Variants in COQ9 observed in about 807,000 individuals in gnomAD.
COQ9 encodes coenzyme Q9.
In COQ9, 35 loss-of-function variants were observed where a neutral mutation model predicts 42.4. The ratio of observed to expected loss-of-function variants is 0.83; its 90% CI spans 0.63 to 1.10. COQ9 has a LOEUF of 1.10. Ranked by LOEUF, COQ9 falls within the 50% of genes least tolerant of loss-of-function variation. The pLI is 0.00. For missense variants in COQ9, 406 were observed against 414.6 expected (o/e 0.98, Z 0.18); for synonymous variants, 155 against 155.1 (o/e 1.00, Z 0.00).
intron 7 of COQ9, 91 bp downstream of exon 7, chr16:57,459,811 G>T: frequency 6.7e-7 from 1 of 1,488,616 alleles, no homozygotes; most frequent in Non-Finnish European, 9.4e-7. Context: ...TTTGGCCTCA[G>T]CTGACAGTCC....
chr16:57,456,442 A>G, intron 3 of COQ9, 62 bp from the exon 4 acceptor site: 1 of 1,581,572 alleles, frequency 6.3e-7, no homozygotes, highest in Non-Finnish European at 8.7e-7. Context: ...AGTGATGAAC[A>G]GGCAACAAAT....
intron 3 of COQ9, chr16:57,453,150 C>G: frequency 1.6e-6 from 1 of 610,950 alleles, no homozygotes; most frequent in South Asian, 1.9e-5. Context: ...GAGTTGTGTT[C>G]TAAAGGCAAT....
chr16:57,458,812 A>G (rs1463406530), intron 6 of COQ9, among the ~76,000 whole-genome samples: 1 of 152,242 alleles, frequency 6.6e-6, no homozygotes. Flanking sequence ...CCAGGAAAGA[A>G]TCCGACTTGT....
In COQ9 at chr16:57,460,117, C is replaced by T. The variant is rs115677652; in HGVS notation, c.921+13C>T. On this transcript the variant is annotated intron_variant, in intron 8 of 8. Transcript: ENST00000262507. ...TGCAGCAGTGACGGTGAGTACTGCC[C>T]AGCACATCCCTGCCCCTCCTCTCTC... is the stretch of plus-strand genomic sequence containing the variant. The T allele has an allele frequency of 2.2e-3, 3,595 of 1,613,620 alleles. 77 individuals are homozygous for T. The African/African-American group carries it at 0.043, about 19-fold the overall frequency.
intron 3 of COQ9, chr16:57,453,587 A>T (rs1317984650): frequency 6.4e-6 from 1 of 157,034 alleles, no homozygotes; most frequent in East Asian, 1.9e-4. Flanking sequence ...GGCTTGCTGC[A>T]GGGCATCTAC....
At chr16:57,457,659 T>C (rs961945721) in intron 5 of COQ9, among the ~76,000 whole-genome samples, 5 of 152,214 alleles carry the variant, frequency 3.3e-5, no homozygotes, top group South Asian at 2.1e-4. Flanking sequence ...TGAACACTTA[T>C]GGTGGTGCCT....
chr16:57,451,293 C>T (rs2030283293), intron 2 of COQ9, 85 bp downstream of exon 2: 2 of 1,374,498 alleles, frequency 1.5e-6, no homozygotes, highest in African/African-American at 1.4e-5. Flanking sequence ...CTCTCCATCC[C>T]CTTTTGTACC....
Position 57,451,187 on chromosome 16 carries a change from A to C in COQ9, c.221A>C (p.Glu74Ala). 3 of 1,614,176 alleles carry C rather than the reference A, an allele frequency of 1.9e-6. No homozygotes were observed. Among genetic ancestry groups the C allele is most frequent in the Non-Finnish European group, 2.5e-6 (3 of 1,180,032 alleles). The change falls in exon 2 of 9, where the codon GAG becomes GCG. Residue 74 changes from glutamate to alanine, a missense_variant. Glu to Ala is a moderately radical substitution (Grantham distance 107, BLOSUM62 -1). Transcript: ENST00000262507. ...CAGGGGGCAGAAAAACCTGATCCAG[A>C]GTCTTCTCATTCACCCCCCAGGTAG... Reference protein sequence around the residue: ...ETQGAEKPDPESSHSPPRYTD... With the variant: ...ETQGAEKPDPASSHSPPRYTD...
Position 57,447,567 on chromosome 16 carries a change from G to A in COQ9, c.62G>A (p.Arg21Gln). The A allele has an allele frequency of 1.6e-6, 2 of 1,283,084 alleles. No individual in the cohort carries two copies. Among genetic ancestry groups the A allele is most frequent in the Middle Eastern group, 2.6e-4 (1 of 3,790 alleles). 79.5% of individuals were successfully genotyped at this position (1,283,084 alleles called of 1,614,324 possible). Reference protein sequence around the residue: ...GRAGWRLLQLRCLPVARCRQA... With the variant: ...GRAGWRLLQLQCLPVARCRQA... ...GCGGGCTGGAGGCTCCTGCAGCTGC[G>A]ATGCCTGCCCGGTGAGGGGGCTGCC... Residue 21 changes from arginine to glutamine, a missense_variant, in exon 1 of 9, where the codon CGA becomes CAA. By Grantham distance (43) the Arg-to-Gln change is conservative (BLOSUM62 1). Transcript: ENST00000262507.
In COQ9 at chr16:57,450,597, G is replaced by T. The variant is rs189025111; in HGVS notation, c.74-443G>T. Among the ~76,000 whole-genome samples, 26 of 152,206 alleles carry T rather than the reference G, an allele frequency of 1.7e-4. No homozygotes were observed. In the East Asian group the frequency reaches 4.8e-3, roughly 28 times the overall value. On this transcript the variant is annotated intron_variant, in intron 1 of 8. Coordinates refer to ENST00000262507, the MANE Select transcript of COQ9 (RefSeq NM_020312.4). ...GTCCAAAGATACCATATAAACACTGGGGGAGTAGGGCTGAGACATTAAATT... is the reference window on the plus strand; with the variant it reads ...GTCCAAAGATACCATATAAACACTGTGGGAGTAGGGCTGAGACATTAAATT...
intron 2 of COQ9, among the ~76,000 whole-genome samples, chr16:57,452,130 A>G (rs1247793883): frequency 6.6e-6 from 1 of 152,220 alleles, no homozygotes. Context: ...CTATCATGCC[A>G]GGCCCTGTGA....
chr16:57,447,610 G>A (rs2030156001), intron 1 of COQ9, 32 bp downstream of exon 1: 1 of 1,243,000 alleles, frequency 8.0e-7, no homozygotes. Flanking sequence ...GGAGAGGCGG[G>A]GAGCGCGGAG....
chr16:57,456,812 T>C, intron 4 of COQ9, 119 bp from the exon 5 acceptor site: 1 of 1,283,442 alleles, frequency 7.8e-7, no homozygotes, highest in Non-Finnish European at 1.1e-6. Flanking sequence ...CTCTGACGGC[T>C]TTAGTCAGGC....
intron 3 of COQ9, 139 bp from the exon 4 acceptor site, chr16:57,456,365 C>T: frequency 1.1e-6 from 1 of 939,634 alleles, no homozygotes; most frequent in South Asian, 1.3e-5. Flanking sequence ...CGGTGGTGGT[C>T]AGTTTCACCA....
intron 3 of COQ9, 186 bp downstream of exon 3, chr16:57,453,122 C>G: frequency 4.2e-6 from 3 of 713,038 alleles, no homozygotes; most frequent in Non-Finnish European, 7.1e-6. Flanking sequence ...AAGAACATAC[C>G]ATGGAGTTGG....
chr16:57,450,942 C>T, intron 1 of COQ9, 98 bp from the exon 2 acceptor site: 1 of 1,336,968 alleles, frequency 7.5e-7, no homozygotes, highest in South Asian at 1.2e-5. Flanking sequence ...CTACAGGAGT[C>T]TCTGGCCTGC....
chr16:57,451,698 T>A (rs1899650380), intron 2 of COQ9, among the ~76,000 whole-genome samples: 1 of 152,272 alleles, frequency 6.6e-6, no homozygotes, highest in South Asian at 2.1e-4. Flanking sequence ...AAACTCTACA[T>A]GCTGTTCTAG....
At chr16:57,459,332 T>G (rs1005649243) in intron 6 of COQ9, among the ~76,000 whole-genome samples, 3 of 152,202 alleles carry the variant, frequency 2.0e-5, no homozygotes, top group Non-Finnish European at 1.5e-5. Flanking sequence ...GGCACTTTAT[T>G]TAGATCCATT....
Position 57,460,243 on chromosome 16 carries a change from C to T in COQ9, c.921+139C>T. On this transcript the variant is annotated intron_variant, in intron 8 of 8. Coordinates refer to ENST00000262507, the MANE Select transcript of COQ9 (RefSeq NM_020312.4). ...TAATAAGGCTGACAATGGTTCAGCC[C>T]TAGTGTCTTGATTCCAAAAACCTCA... is the stretch of plus-strand genomic sequence containing the variant. The T allele has an allele frequency of 3.2e-6, 3 of 952,266 alleles. No individual in the cohort carries two copies. The Admixed American group carries it at 6.1e-5, about 19-fold the overall frequency. 59.0% of individuals were successfully genotyped at this position (952,266 alleles called of 1,614,324 possible).
Sources: gnomAD v4.1 joint callset for allele counts (sites outside exome capture counted in the v4.1 genomes callset) on GRCh38, gnomAD v4.1.1 for gene constraint, MANE v1.5 for transcripts, NCBI Gene and HGNC (gene_info 2026-07-23, HGNC 2026-07-21) for gene names.